UACA: variants seen among roughly 807,000 people sequenced by gnomAD.
The protein encoded by UACA is nuclear membrane binding protein.
Under a neutral mutation model 160.5 loss-of-function variants are expected in UACA, and 112 were observed. The observed-to-expected ratio is 0.70, with a 90% confidence interval of 0.60 to 0.82. The LOEUF (loss-of-function observed/expected upper bound fraction) is 0.82, where lower values mean the gene tolerates loss of function less well. Among genes scored for constraint, UACA ranks in the 40% least tolerant of loss-of-function variants. UACA has a pLI of 0.00. For missense variants in UACA, 1,574 were observed against 1,614.6 expected, an observed-to-expected ratio of 0.97 and a Z score of 0.43; for synonymous variants, 557 against 568.4, an observed-to-expected ratio of 0.98 and a Z score of 0.29.
chr15:70,662,564 A>C (rs550498037), intron 17 of UACA, among the ~76,000 whole-genome samples: 1 of 152,320 alleles, frequency 6.6e-6, no homozygotes, highest in African/African-American at 2.4e-5. Context: ...GTCAATCCTA[A>C]GTCAAAAGAA....
At chr15:70,736,060 G>T (rs191633327) in intron 1 of UACA, among the ~76,000 whole-genome samples, 4,048 of 152,180 alleles carry the variant, frequency 0.027, 200 homozygotes, top group African/African-American at 0.092. Context: ...ATTGATTTTT[G>T]AATTTAATGT....
intron 1 of UACA, among the ~76,000 whole-genome samples, chr15:70,729,334 C>T (rs997375365): frequency 6.6e-6 from 1 of 152,108 alleles, no homozygotes; most frequent in African/African-American, 2.4e-5. Flanking sequence ...TACATATATA[C>T]CATGGAATAC....
chr15:70,664,359 A>G (rs922255990), intron 17 of UACA, among the ~76,000 whole-genome samples: 33 of 152,324 alleles, frequency 2.2e-4, no homozygotes, highest in Admixed American at 1.9e-3. Context: ...CAGGCATCAA[A>G]TATGTTATTC....
At chr15:70,696,985 A>G (rs1898151117) in intron 2 of UACA, among the ~76,000 whole-genome samples, 1 of 152,248 alleles carries the variant, frequency 6.6e-6, no homozygotes, top group Admixed American at 6.5e-5. Flanking sequence ...AGATACATCA[A>G]TCATTAAAAC....
chr15:70,679,302 C>G (rs569391270), intron 10 of UACA, among the ~76,000 whole-genome samples: 1 of 152,034 alleles, frequency 6.6e-6, no homozygotes, highest in South Asian at 2.1e-4. Flanking sequence ...ACTAGAAGGG[C>G]TGAGGCAGGA....
At chr15:70,759,258 T>G (rs901391600) in intron 1 of UACA, among the ~76,000 whole-genome samples, 6 of 152,254 alleles carry the variant, frequency 3.9e-5, no homozygotes, top group African/African-American at 1.4e-4. Context: ...ATTCTCACTA[T>G]ACATATAACT....
chr15:70,667,867 C>T lies in UACA; in HGVS notation c.2817G>A (p.Met939Ile), dbSNP rs752786283. 1.9e-6 allele frequency: 3 copies of T among 1,614,116 alleles called. No homozygotes were observed. The highest frequency in any genetic ancestry group is 2.5e-6 in the Non-Finnish European group (3 of 1,179,990). Residue 939 changes from methionine to isoleucine, a missense_variant, in exon 16 of 19, where the codon ATG becomes ATA. Transcript: ENST00000322954. Reference sequence around the variant, plus strand: ...CAGCATTACTATCCTGCACCTTTCTCATGCTCTGACTTAGCGAGCTCATCT... The same window carrying T: ...CAGCATTACTATCCTGCACCTTTCTTATGCTCTGACTTAGCGAGCTCATCT... ...EAKMSSLSQS[M>I]RKVQDSNAEI...
At chr15:70,759,998 G>A (rs934349183) in intron 1 of UACA, among the ~76,000 whole-genome samples, 1 of 152,140 alleles carries the variant, frequency 6.6e-6, no homozygotes, top group Non-Finnish European at 1.5e-5. Context: ...TCAGTCTACT[G>A]CTGTGTCTTC....
chr15:70,778,646 A>C, the UACA span: 3 of 152,196 alleles, frequency 2.0e-5, no homozygotes, highest in Admixed American at 1.3e-4. Flanking sequence ...CACATCTACA[A>C]AGACCCCTCT....
At chr15:70,748,145 A>G (rs1462495834) in intron 1 of UACA, among the ~76,000 whole-genome samples, 3 of 152,334 alleles carry the variant, frequency 2.0e-5, no homozygotes, top group East Asian at 3.9e-4. Flanking sequence ...ATGGTCCTCA[A>G]GAGTGACAGA....
At chr15:70,702,232 G>T in intron 1 of UACA, 1 of 1,084,754 alleles carries the variant, frequency 9.2e-7, no homozygotes, top group Non-Finnish European at 1.1e-6. Context: ...CCCTTTGAGG[G>T]ACCCCACTGG....
chr15:70,704,629 A>T (rs1237394993), intron 1 of UACA, among the ~76,000 whole-genome samples: 1 of 152,250 alleles, frequency 6.6e-6, no homozygotes, highest in Admixed American at 6.5e-5. Context: ...AAGCAAGGAT[A>T]ACAATAGAGA....
At chr15:70,658,432 C>A (rs1483264679) in intron 18 of UACA, among the ~76,000 whole-genome samples, 2 of 152,174 alleles carry the variant, frequency 1.3e-5, no homozygotes, top group Non-Finnish European at 2.9e-5. Context: ...ACAATCTGTA[C>A]ACTACCATCA....
intron 18 of UACA, among the ~76,000 whole-genome samples, 164 bp from the exon 19 acceptor site, chr15:70,657,291 C>A (rs900318116): frequency 6.6e-6 from 1 of 152,038 alleles, no homozygotes. Context: ...GGAGTACAGC[C>A]CTATCATGAA....
intron 1 of UACA, chr15:70,703,042 C>T (rs1242645377): frequency 3.0e-5 from 36 of 1,210,724 alleles, no homozygotes; most frequent in Middle Eastern, 2.2e-4. Context: ...CATTAGACAA[C>T]GAGCTAGACT....
intron 1 of UACA, among the ~76,000 whole-genome samples, chr15:70,751,568 C>T (rs375221413): frequency 3.9e-4 from 59 of 152,252 alleles, no homozygotes; most frequent in African/African-American, 1.3e-3. Context: ...ATAAGTATAA[C>T]GATTAATCCT....
chr15:70,697,923 T>A (rs1898189417), intron 2 of UACA, among the ~76,000 whole-genome samples: 1 of 151,808 alleles, frequency 6.6e-6, no homozygotes, highest in South Asian at 2.1e-4. Flanking sequence ...GGTGGTGCAT[T>A]CCTGCAATCC....
chr15:70,773,037 C>A, the UACA span, among the ~76,000 whole-genome samples: 1 of 145,920 alleles, frequency 6.9e-6, no homozygotes. Context: ...CAGAGCAAGA[C>A]TTCATCTCAA....
At chr15:70,742,972 A>G (rs2141003823) in intron 1 of UACA, among the ~76,000 whole-genome samples, 1 of 152,316 alleles carries the variant, frequency 6.6e-6, no homozygotes, top group East Asian at 1.9e-4. Context: ...TCTCAAGGCC[A>G]AAATCAAGGT....
Sources: gnomAD v4.1 joint callset for allele counts (sites outside exome capture counted in the v4.1 genomes callset) on GRCh38, gnomAD v4.1.1 for gene constraint, MANE v1.5 for transcripts, NCBI Gene and HGNC (gene_info 2026-07-23, HGNC 2026-07-21) for gene names.